CDC14B: variants seen among roughly 807,000 people sequenced by gnomAD.
CDC14B encodes cell division cycle 14B.
In CDC14B, 22 loss-of-function variants were observed where a neutral mutation model predicts 64.2. That is an observed-to-expected ratio of 0.34 (90% confidence interval 0.24 to 0.49). The LOEUF (loss-of-function observed/expected upper bound fraction) is 0.49. Among genes scored for constraint, CDC14B ranks in the 20% least tolerant of loss-of-function variants. CDC14B has a pLI of 0.99. For missense variants in CDC14B, 498 were observed against 629.9 expected (o/e 0.79, Z 2.24); for synonymous variants, 191 against 215.8 (o/e 0.89, Z 1.01).
At chr9:96,564,748 T>A in intron 3 of CDC14B, 29 bp downstream of exon 3, 14 of 1,368,740 alleles carry the variant, frequency 1.0e-5, no homozygotes, top group Non-Finnish European at 1.4e-5. Context: ...CTAACAATGA[T>A]TACTTAAGTC....
At chr9:96,610,044 T>C (rs899370072) in intron 1 of CDC14B, among the ~76,000 whole-genome samples, 1 of 152,052 alleles carries the variant, frequency 6.6e-6, no homozygotes, top group Admixed American at 6.6e-5. Context: ...AGAAGCTGTA[T>C]AAAAGACCAA....
downstream of CDC14B, chr9:96,496,341 C>T (rs566980608): frequency 8.3e-5 from 43 of 515,876 alleles, no homozygotes; most frequent in East Asian, 2.0e-3. Context: ...AGGTGACAGC[C>T]TGGGACAGCC....
intron 1 of CDC14B, among the ~76,000 whole-genome samples, chr9:96,583,554 G>A (rs1189107008): frequency 6.6e-6 from 1 of 151,278 alleles, no homozygotes; most frequent in Non-Finnish European, 1.5e-5. Context: ...GCACCACCAC[G>A]CCTGGCTAGT....
rs539374669 is a variant in CDC14B at position 96,562,279 on chromosome 9, A to C, written c.420+414T>G. 1.3e-3 allele frequency among the ~76,000 whole-genome samples: 205 copies of C among 152,264 alleles called. 2 individuals carry two copies. The highest frequency in any genetic ancestry group is 4.6e-3 in the African/African-American group (191 of 41,548). On this transcript the variant is annotated intron_variant, in intron 4 of 13. Coordinates refer to ENST00000375241, the MANE Select transcript of CDC14B (RefSeq NM_033331.4). ...AAATTTTAGAAAGCACTTTTTAAAAAAATTTTTAGAAAATTAATAGTGGGG... is the reference window on the plus strand; with the variant it reads ...AAATTTTAGAAAGCACTTTTTAAAACAATTTTTAGAAAATTAATAGTGGGG...
chr9:96,506,233 A>G (rs1834113174), intron 13 of CDC14B, among the ~76,000 whole-genome samples: 1 of 152,196 alleles, frequency 6.6e-6, no homozygotes, highest in South Asian at 2.1e-4. Flanking sequence ...AATACTTTAA[A>G]TTTACTCAAC....
In CDC14B at chr9:96,534,442, T is replaced by A. The variant is rs771369422; in HGVS notation, c.715+13A>T. The A allele has an allele frequency of 2.6e-5, 41 of 1,560,732 alleles. No individual in the cohort carries two copies. The South Asian group carries it at 4.2e-4, about 16-fold the overall frequency. On this transcript the variant is annotated intron_variant, in intron 8 of 13. Coordinates refer to ENST00000375241, the MANE Select transcript of CDC14B (RefSeq NM_033331.4). The stretch of plus-strand genomic sequence containing the variant: ...CAATAACAAAATGAGATTAATGCCA[T>A]AATTTCACATACCACTTTCAAGTCT...
intron 6 of CDC14B, among the ~76,000 whole-genome samples, chr9:96,540,061 C>T (rs972075414): frequency 2.6e-5 from 4 of 152,136 alleles, no homozygotes; most frequent in African/African-American, 9.7e-5. Context: ...AACACTAATC[C>T]CAAGACTAAG....
At chr9:96,530,482 G>A (rs1838295867) in intron 9 of CDC14B, among the ~76,000 whole-genome samples, 1 of 141,368 alleles carries the variant, frequency 7.1e-6, no homozygotes, top group Non-Finnish European at 1.5e-5. Context: ...GTTTCACCGT[G>A]TTGCCCAGGC....
rs1358376201 is a variant in CDC14B, at chr9:96,515,963, T to C, written c.1344-6174A>G. Among the ~76,000 whole-genome samples the C allele has an allele frequency of 6.6e-6, 1 of 152,240 alleles. No homozygotes were observed. Among genetic ancestry groups the C allele is most frequent in the Non-Finnish European group, 1.5e-5 (1 of 68,042 alleles). ...ACAAGGATGGAGTTTTGCCATTTTA[T>C]GTTGAATAAAAAAATGCTGTGTTTA... On this transcript the variant is annotated intron_variant, in intron 12 of 13. Coordinates refer to ENST00000375241, the MANE Select transcript of CDC14B (RefSeq NM_033331.4). This position sits in a 1 kb window ranked among gnomAD's most constrained non-coding sequence, Gnocchi z 4.3.
chr9:96,561,553 A>G (rs766761550), intron 4 of CDC14B, among the ~76,000 whole-genome samples: 6 of 152,172 alleles, frequency 3.9e-5, no homozygotes, highest in Non-Finnish European at 7.4e-5. Context: ...ATCTCCGCTC[A>G]CTGCAAGCTC....
At chr9:96,595,830 T>C (rs1311023760) in intron 1 of CDC14B, among the ~76,000 whole-genome samples, 5 of 152,110 alleles carry the variant, frequency 3.3e-5, no homozygotes, top group East Asian at 1.9e-4. Flanking sequence ...ATAGCTGCCA[T>C]TGGGTATGAG....
chr9:96,587,797 C>T (rs892186484), intron 1 of CDC14B, among the ~76,000 whole-genome samples: 2 of 152,020 alleles, frequency 1.3e-5, no homozygotes, highest in South Asian at 2.1e-4. Flanking sequence ...CAATGTATTC[C>T]GAATCAACAA....
intron 5 of CDC14B, among the ~76,000 whole-genome samples, chr9:96,545,467 G>A (rs1479924453): frequency 6.6e-6 from 1 of 151,720 alleles, no homozygotes; most frequent in African/African-American, 2.4e-5. Flanking sequence ...ACAGGCGCCT[G>A]CCACCACGCC....
At chr9:96,566,531 C>G (rs1484952465) in intron 1 of CDC14B, among the ~76,000 whole-genome samples, 2 of 152,238 alleles carry the variant, frequency 1.3e-5, no homozygotes, top group Admixed American at 1.3e-4. Flanking sequence ...AAGGATCTCG[C>G]TCCCGCGGGC....
At chr9:96,615,523 G>T (rs775406094) in intron 1 of CDC14B, among the ~76,000 whole-genome samples, 1 of 152,160 alleles carries the variant, frequency 6.6e-6, no homozygotes, top group Non-Finnish European at 1.5e-5. Flanking sequence ...TGTATTTAAG[G>T]GCAGGGTGGA....
At chr9:96,542,349 C>G (rs555948529) in intron 5 of CDC14B, among the ~76,000 whole-genome samples, 84 of 152,116 alleles carry the variant, frequency 5.5e-4, no homozygotes, top group African/African-American at 1.6e-3. Flanking sequence ...GTGTGTCTGT[C>G]TGTGTGTGTG....
At chr9:96,555,659 C>T (rs1291779083) in intron 4 of CDC14B, among the ~76,000 whole-genome samples, 2 of 152,186 alleles carry the variant, frequency 1.3e-5, no homozygotes, top group Non-Finnish European at 2.9e-5. Flanking sequence ...AGAGATGCAG[C>T]TTAGGAGGCA....
chr9:96,491,580 A>C (rs1303276089), exon 14 of CDC14B: 3 of 152,194 alleles, frequency 2.0e-5, no homozygotes, highest in Non-Finnish European at 4.4e-5. Flanking sequence ...ATCTGAACCT[A>C]GCCGGTACAA....
At chr9:96,566,809 C>T (rs766521046) in intron 1 of CDC14B, 1 of 1,606,198 alleles carries the variant, frequency 6.2e-7, no homozygotes, top group Non-Finnish European at 8.5e-7. Context: ...CGCGCCCTCC[C>T]GGCTCATGAC....
Sources: allele counts gnomAD v4.1 joint callset (sites outside exome capture counted in the v4.1 genomes callset), GRCh38; gene constraint gnomAD v4.1.1; non-coding constraint Gnocchi (gnomAD v3.1); transcripts MANE v1.5; gene names NCBI Gene and HGNC (gene_info 2026-07-23, HGNC 2026-07-21).